The following DACH1 variants were observed in gnomAD, a reference collection of about 807,000 sequenced individuals.
DACH1 encodes the protein dachshund family transcription factor 1, also known as dachshund homolog 1.
Under a neutral mutation model 54.2 loss-of-function variants are expected in DACH1, and 12 were observed. That is an observed-to-expected ratio of 0.22 (90% CI 0.14 to 0.36). The LOEUF is 0.36. Ranked by LOEUF, DACH1 falls within the 10% of genes least tolerant of loss-of-function variation. DACH1 has a pLI of 1.00. For missense variants in DACH1, 805 were observed against 929.8 expected (o/e 0.87, Z 1.75); for synonymous variants, 386 against 366.2 (o/e 1.05, Z -0.62).
At chr13:71,617,521 A>G (rs1443665835) in intron 3 of DACH1, among the ~76,000 whole-genome samples, 1 of 152,180 alleles carries the variant, frequency 6.6e-6, no homozygotes, top group African/African-American at 2.4e-5. Context: ...CTTCATCTCA[A>G]AAAAGAAATG....
intron 1 of DACH1, among the ~76,000 whole-genome samples, chr13:71,795,187 GT>G (rs35577505): frequency 0.48 from 72,215 of 151,476 alleles, 18,307 homozygotes; most frequent in East Asian, 0.86. Context: ...TTTACAAAAT[GT>G]TTTTTTTTGT....
chr13:71,857,569 G>A (rs1185708629), intron 1 of DACH1, among the ~76,000 whole-genome samples: 1 of 151,528 alleles, frequency 6.6e-6, no homozygotes, highest in Admixed American at 6.6e-5. Flanking sequence ...ATGAGCTAAT[G>A]CTAATACATA....
At chr13:71,759,895 A>C (rs988321185) in intron 1 of DACH1, among the ~76,000 whole-genome samples, 2 of 152,214 alleles carry the variant, frequency 1.3e-5, no homozygotes, top group African/African-American at 4.8e-5. Flanking sequence ...ATGAGGCACT[A>C]GTGAGAAGAA....
intron 3 of DACH1, among the ~76,000 whole-genome samples, chr13:71,617,001 C>T (rs1875830037): frequency 6.6e-6 from 1 of 151,754 alleles, no homozygotes; most frequent in Non-Finnish European, 1.5e-5. Context: ...CCTGCCTCAG[C>T]CTCCCGAGTA....
intron 3 of DACH1, among the ~76,000 whole-genome samples, chr13:71,596,108 T>A (rs893439754): frequency 3.3e-5 from 5 of 152,004 alleles, no homozygotes; most frequent in Non-Finnish European, 5.9e-5. Context: ...ATATGTATTT[T>A]TTTTTTATTT....
chr13:71,579,783 A>ATATGTG (rs1452746581), intron 3 of DACH1, among the ~76,000 whole-genome samples: 1 of 152,164 alleles, frequency 6.6e-6, no homozygotes, highest in Non-Finnish European at 1.5e-5. Context: ...GTAAAATACT[A>ATATGTG]TATGTGCAGA....
At chr13:71,853,328 C>T (rs1873791994) in intron 1 of DACH1, among the ~76,000 whole-genome samples, 1 of 152,136 alleles carries the variant, frequency 6.6e-6, no homozygotes, top group African/African-American at 2.4e-5. Flanking sequence ...TTTTAGGGCA[C>T]ACCACTCTGC....
At chr13:71,586,536 C>T (rs777519737) in intron 3 of DACH1, among the ~76,000 whole-genome samples, 6 of 152,044 alleles carry the variant, frequency 3.9e-5, no homozygotes, top group Non-Finnish European at 5.9e-5. Context: ...CAGTATTACA[C>T]ACTATTTATT....
At chr13:71,446,771 C>T (rs761725467) in intron 10 of DACH1, among the ~76,000 whole-genome samples, 1 of 152,212 alleles carries the variant, frequency 6.6e-6, no homozygotes, top group African/African-American at 2.4e-5. Context: ...CTCCTGGGAG[C>T]AGGGCTTCTT....
chr13:71,503,126 C>T (rs1798957264), intron 6 of DACH1, among the ~76,000 whole-genome samples: 1 of 152,164 alleles, frequency 6.6e-6, no homozygotes, highest in African/African-American at 2.4e-5. Flanking sequence ...AGAACCACTT[C>T]ATTTTTTCCT....
chr13:71,598,838 T>C (rs1482731980), intron 3 of DACH1, among the ~76,000 whole-genome samples: 1 of 152,210 alleles, frequency 6.6e-6, no homozygotes, highest in Admixed American at 6.5e-5. Context: ...GAAAATTATG[T>C]GGGAAAGATA....
At chr13:71,661,082 C>A (rs1460635165) in intron 2 of DACH1, among the ~76,000 whole-genome samples, 1 of 150,234 alleles carries the variant, frequency 6.7e-6, no homozygotes, top group East Asian at 2.0e-4. Context: ...TTTCAAATAT[C>A]TTTATAAGAT....
At chr13:71,726,573 G>T (rs1007277344) in intron 1 of DACH1, among the ~76,000 whole-genome samples, 1 of 151,694 alleles carries the variant, frequency 6.6e-6, no homozygotes, top group African/African-American at 2.4e-5. Flanking sequence ...TAAATTCAAG[G>T]TACTAAAGTG....
At chr13:71,606,535 T>G (rs1023345867) in intron 3 of DACH1, among the ~76,000 whole-genome samples, 5 of 152,060 alleles carry the variant, frequency 3.3e-5, no homozygotes, top group African/African-American at 4.8e-5. Context: ...GGAGGTAGAA[T>G]GAGTGTTGAA....
chr13:71,438,612 T>A lies in DACH1; in HGVS notation c.*2043A>T, dbSNP rs1281281373. On this transcript the variant is annotated 3_prime_UTR_variant, in exon 11 of 11. Coordinates refer to ENST00000613252, the MANE Select transcript of DACH1 (RefSeq NM_080759.6). The stretch of plus-strand genomic sequence containing the variant: ...TTAATCCACATAACAAACAGGTGAC[T>A]CTATGCCAGGAGCAGAGCAATGGCT... The A allele has an allele frequency of 6.6e-6, 1 of 152,466 alleles. No homozygotes were observed. The highest frequency in any genetic ancestry group is 2.4e-5 in the African/African-American group (1 of 41,460). The allele number at this position is 152,466 out of a possible 1,614,324, so 9.4% of individuals were successfully genotyped here. A position where few individuals can be genotyped will look rare whatever the true frequency, so the allele number is the denominator to read the frequency against.
chr13:71,866,372 G>C lies in DACH1; in HGVS notation c.398C>G (p.Pro133Arg), dbSNP rs1241184284. 3 of 1,508,238 alleles carry C rather than the reference G, an allele frequency of 2.0e-6. No individual in the cohort carries two copies. Among genetic ancestry groups the C allele is most frequent in the Admixed American group, 4.0e-5 (2 of 49,590 alleles). 93.4% of individuals were successfully genotyped at this position (1,508,238 alleles called of 1,614,324 possible). A position where few individuals can be genotyped will look rare whatever the true frequency, so the allele number is the denominator to read the frequency against. ...GCTGCTGCCGGTGCTGGCGTTGATG[G>C]GGGTGCTGGAAGCGACGCCGCCGCC... ...SAGGGVASST[P>R]INASTGSSSS... The change falls in exon 1 of 11, where the codon CCC (proline) becomes CGC (arginine). Residue 133 changes from proline to arginine, a missense_variant. Transcript: ENST00000613252.
intron 6 of DACH1, among the ~76,000 whole-genome samples, chr13:71,542,298 A>G (rs1036387084): frequency 1.3e-5 from 2 of 152,070 alleles, no homozygotes; most frequent in Non-Finnish European, 1.5e-5. Flanking sequence ...TACTTGAAAA[A>G]TAAAATAAAA....
intron 3 of DACH1, among the ~76,000 whole-genome samples, chr13:71,592,494 C>CAAAAAAAAAAA (rs575364116): frequency 9.2e-5 from 3 of 32,776 alleles, no homozygotes; most frequent in African/African-American, 2.3e-4. Context: ...GACTCTATCT[C>CAAAAAAAAAAA]AAAAAAAAAA....
chr13:71,698,673 C>T (rs1018949101), intron 1 of DACH1, among the ~76,000 whole-genome samples: 49 of 152,092 alleles, frequency 3.2e-4, no homozygotes, highest in African/African-American at 1.1e-3. Flanking sequence ...TTTAAAAATA[C>T]AAAAACCTGT....
Sources: gnomAD v4.1 joint callset for allele counts (sites outside exome capture counted in the v4.1 genomes callset) on GRCh38, gnomAD v4.1.1 for gene constraint, MANE v1.5 for transcripts, NCBI Gene and HGNC (gene_info 2026-07-23, HGNC 2026-07-21) for gene names.